The following USP29 variants were observed in gnomAD, a reference collection of about 807,000 sequenced individuals.
The protein encoded by USP29 is ubiquitin carboxyl-terminal hydrolase 29.
For missense variants in USP29, 1,102 were observed against 1,069.0 expected (o/e 1.03, Z -0.43); for synonymous variants, 386 against 387.4 (o/e 1.00, Z 0.04).
Position 57,130,955 on chromosome 19 carries a change from C to G in USP29, c.2280C>G (p.Ala760=). The stretch of plus-strand genomic sequence containing the variant: ...CTCCAGGTGTTAGGAAGCTGGATGC[C>G]CAGGAACATACAGAAGAGACCCTCA... ...APPPGVRKLD[A]QEHTEETLNQ... is the part of the protein sequence containing the mutation. The change falls in exon 4 of 4, where the codon GCC becomes GCG. Residue 760 remains alanine (A), a synonymous_variant. Coordinates refer to ENST00000254181, the MANE Select transcript of USP29 (RefSeq NM_020903.3). 1 of 1,614,058 alleles carries G rather than the reference C, an allele frequency of 6.2e-7. No individual in the cohort carries two copies. Among genetic ancestry groups the G allele is most frequent in the African/African-American group, 1.3e-5 (1 of 74,974 alleles).
At position 57,120,013 on chromosome 19, in the gene USP29, A is replaced by T. The variant is rs925321112; in HGVS notation, c.-484A>T. ...CTTCTGTTCCCAGGAGAATCAGGGG[A>T]GTCGGCGCCGGAAGGGGCGGGTCCG... On this transcript the variant is annotated 5_prime_UTR_variant, in exon 1 of 4. Transcript: ENST00000254181. 1 of 152,464 alleles carries T rather than the reference A, an allele frequency of 6.6e-6. No individual in the cohort carries two copies. The highest frequency in any genetic ancestry group is 2.4e-5 in the African/African-American group (1 of 41,460). The allele number at this position is 152,464 out of a possible 1,614,324, so 9.4% of individuals were successfully genotyped here. A position where few individuals can be genotyped will look rare whatever the true frequency, so the allele number is the denominator to read the frequency against.
intron 2 of USP29, among the ~76,000 whole-genome samples, chr19:57,123,036 G>A (rs2086806070): frequency 6.6e-6 from 1 of 152,126 alleles, no homozygotes; most frequent in Non-Finnish European, 1.5e-5. Context: ...ATGGTTTGCT[G>A]GGTTTGGCAT....
Position 57,131,418 on chromosome 19 carries a change from G to C in USP29, c.2743G>C (p.Gly915Arg), listed in dbSNP as rs556640758. The change falls in exon 4 of 4, where the codon GGT (glycine) becomes CGT (arginine). Residue 915 changes from glycine (G) to arginine (R), a missense_variant. Coordinates refer to ENST00000254181, the MANE Select transcript of USP29 (RefSeq NM_020903.3). The stretch of plus-strand genomic sequence containing the variant: ...GGTGATCCCTCAGGGGGAATACGAA[G>C]GTGACTCTTTGTACAGACCTGCTTG... ...AGVIPQGEYE[G>R]DSLYRPA 1 of 1,613,172 alleles carries C rather than the reference G, an allele frequency of 6.2e-7. No homozygotes were observed. The highest frequency in any genetic ancestry group is 1.1e-5 in the South Asian group (1 of 90,944).
chr19:57,123,845 A>G (rs563691106), intron 2 of USP29, among the ~76,000 whole-genome samples, 194 bp from the exon 3 acceptor site: 1 of 152,284 alleles, frequency 6.6e-6, no homozygotes, highest in Non-Finnish European at 1.5e-5. Context: ...TTAGGAATGC[A>G]TTTAGAGATA....
chr19:57,121,813 A>C (rs1187281437), intron 1 of USP29, among the ~76,000 whole-genome samples: 1 of 151,398 alleles, frequency 6.6e-6, no homozygotes, highest in Non-Finnish European at 1.5e-5. Context: ...ATATCCTGTT[A>C]TATAAGGGAC....
rs767199483 is a variant in USP29, at chr19:57,130,832, A to ATAC, written c.2157_2158insTAC (p.Lys719_Glu720insTyr). On this transcript the variant is annotated inframe_insertion, in exon 4 of 4. Transcript: ENST00000254181. ...CCACCAATGGCTTTTATGACTGTAAAGAAAACAGGATTCCAGAAGGATCTC... is the reference window on the plus strand; with the variant it reads ...CCACCAATGGCTTTTATGACTGTAAATACGAAAACAGGATTCCAGAAGGATCTC... 6.2e-7 allele frequency: 1 copy of ATAC among 1,614,196 alleles called. No individual in the cohort carries two copies. Among genetic ancestry groups the ATAC allele is most frequent in the South Asian group, 1.1e-5 (1 of 91,086 alleles).
In USP29 at chr19:57,131,682, C is replaced by A; in HGVS notation, c.*238C>A. 1.7e-6 allele frequency: 1 copy of A among 605,780 alleles called. No individual in the cohort carries two copies. The highest frequency in any genetic ancestry group is 2.7e-6 in the Non-Finnish European group (1 of 374,742). The allele number at this position is 605,780 out of a possible 1,614,324, so 37.5% of individuals were successfully genotyped here. The stretch of plus-strand genomic sequence containing the variant: ...TAGAATGGTGCTCTTCACGTTTTGA[C>A]GGTGGTTTTCAAAATGTTGTTCTTC... On this transcript the variant is annotated 3_prime_UTR_variant, in exon 4 of 4. Transcript: ENST00000254181.
At position 57,128,564 on chromosome 19, in the gene USP29, A is replaced by G. The variant is rs971557011; in HGVS notation, c.-16-96A>G. On this transcript the variant is annotated intron_variant, in intron 3 of 3. Transcript: ENST00000254181. ...ATTTTACTTAGAGCATAAGAAGACT[A>G]AAAATAAATCATTATTATATGTGGA... The G allele has an allele frequency of 3.9e-6, 5 of 1,266,864 alleles. No homozygotes were observed. In the South Asian group the frequency reaches 7.6e-5, roughly 19 times the overall value. 78.5% of individuals were successfully genotyped at this position (1,266,864 alleles called of 1,614,324 possible). A position where few individuals can be genotyped will look rare whatever the true frequency, so the allele number is the denominator to read the frequency against.
chr19:57,128,825 T>G lies in USP29; in HGVS notation c.150T>G (p.Ile50Met). Residue 50 changes from isoleucine (I) to methionine (M), a missense_variant, in exon 4 of 4, where the codon ATT (isoleucine) becomes ATG (methionine). By Grantham distance (10) the Ile-to-Met change is conservative (BLOSUM62 1). Transcript: ENST00000254181. ...TCAAATCTGGAAAATTTATAAGAAT[T>G]TTTCAGCTGAGCAACAACATTAGAA... ...VTFKSGKFIR[I>M]FQLSNNIRSV... 10 of 1,614,044 alleles carry G rather than the reference T, an allele frequency of 6.2e-6. No individual in the cohort carries two copies. Among genetic ancestry groups the G allele is most frequent in the Non-Finnish European group, 8.5e-6 (10 of 1,180,002 alleles).
In USP29 at chr19:57,130,575, C is replaced by T; in HGVS notation, c.1900C>T (p.His634Tyr). The change falls in exon 4 of 4, where the codon CAC becomes TAC. Residue 634 changes from histidine (H) to tyrosine (Y), a missense_variant. By Grantham distance (83) the His-to-Tyr change is moderately conservative. Coordinates refer to ENST00000254181, the MANE Select transcript of USP29 (RefSeq NM_020903.3). ...NGSALESELV[H>Y]FRDRAIGEKE... ...CTCTGCACTAGAGTCAGAATTGGTC[C>T]ACTTTAGAGATAGGGCAATCGGTGA... is the stretch of plus-strand genomic sequence containing the variant. 2 of 1,614,096 alleles carry T rather than the reference C, an allele frequency of 1.2e-6. No individual in the cohort carries two copies. Among genetic ancestry groups the T allele is most frequent in the Non-Finnish European group, 1.7e-6 (2 of 1,180,020 alleles).
rs779147687 is a variant in USP29 at position 57,130,749 on chromosome 19, C to G, written c.2074C>G (p.Gln692Glu). Residue 692 changes from glutamine (Q) to glutamate (E), a missense_variant, in exon 4 of 4, where the codon CAG becomes GAG. Gln to Glu is a conservative substitution (Grantham distance 29). Coordinates refer to ENST00000254181, the MANE Select transcript of USP29 (RefSeq NM_020903.3). ...LQEVPQHPEL[Q>E]KYEKTNTFVE... ...AGAGGTGCCTCAACATCCAGAACTTCAGAAGTATGAGAAAACCAATACATT... is the reference window on the plus strand; with the variant it reads ...AGAGGTGCCTCAACATCCAGAACTTGAGAAGTATGAGAAAACCAATACATT... The G allele has an allele frequency of 2.5e-6, 4 of 1,614,140 alleles. No homozygotes were observed. Among genetic ancestry groups the G allele is most frequent in the Non-Finnish European group, 2.5e-6 (3 of 1,180,032 alleles).
chr19:57,123,452 C>G (rs2146950372), intron 2 of USP29, among the ~76,000 whole-genome samples: 1 of 152,184 alleles, frequency 6.6e-6, no homozygotes, highest in East Asian at 1.9e-4. Context: ...ATGACTTATC[C>G]TAAGAAGTCG....
At chr19:57,127,918 C>T (rs1384834447) in intron 3 of USP29, among the ~76,000 whole-genome samples, 1 of 152,156 alleles carries the variant, frequency 6.6e-6, no homozygotes, top group African/African-American at 2.4e-5. Context: ...GGTGTAGGCA[C>T]ACAAGGGAAT....
In USP29 at chr19:57,119,996, C is replaced by T. The variant is rs1327468169; in HGVS notation, c.-501C>T. ...GTGCTGTGCCCAGAACTCTTCTGTT[C>T]CCAGGAGAATCAGGGGAGTCGGCGC... is the stretch of plus-strand genomic sequence containing the variant. On this transcript the variant is annotated 5_prime_UTR_variant, in exon 1 of 4. Transcript: ENST00000254181. 1.3e-5 allele frequency: 2 copies of T among 152,506 alleles called. No homozygotes were observed. The highest frequency in any genetic ancestry group is 2.9e-5 in the Non-Finnish European group (2 of 68,272). The allele number at this position is 152,506 out of a possible 1,614,324, so 9.4% of individuals were successfully genotyped here.
At position 57,129,810 on chromosome 19, in the gene USP29, C is replaced by G. The variant is rs149051450; in HGVS notation, c.1135C>G (p.Gln379Glu). The G allele has an allele frequency of 2.6e-4, 421 of 1,614,042 alleles. No individual in the cohort carries two copies. In the African/African-American group the frequency reaches 5.1e-3, roughly 20 times the overall value. Residue 379 changes from glutamine to glutamate, a missense_variant, in exon 4 of 4, where the codon CAG becomes GAG. Physicochemically the swap from Gln to Glu is conservative, Grantham distance 29. Coordinates refer to ENST00000254181, the MANE Select transcript of USP29 (RefSeq NM_020903.3). ...GAATGATGCTCATGAGTTTTTAGGT[C>G]AGTGTTTAGACCAGCTGAAAGAAGA... ...MQNDAHEFLG[Q>E]CLDQLKEDME...
Position 57,129,466 on chromosome 19 carries a change from AG to A in USP29, c.794del (p.Gly265ValfsTer32), listed in dbSNP as rs1199666452. ...TCTCCATTGGAACCAGAGCACAGCC[AG>A]GGTGACCCAAGATGCAACAAAGCCC... ...LTSPLEPEHS[Q>X]GDPRCNKAQV... On this transcript the variant is annotated frameshift_variant, in exon 4 of 4. Coordinates refer to ENST00000254181, the MANE Select transcript of USP29 (RefSeq NM_020903.3). LOFTEE classifies it low-confidence loss of function (END_TRUNC). The A allele has an allele frequency of 6.2e-7, 1 of 1,614,242 alleles. No homozygotes were observed. The highest frequency in any genetic ancestry group is 1.7e-5 in the Admixed American group (1 of 60,034).
rs764091802 is a variant in USP29, at chr19:57,128,789, G to A, written c.114G>A (p.Leu38=). The change falls in exon 4 of 4, where the codon CTG becomes CTA. Residue 38 remains leucine, a synonymous_variant. Transcript: ENST00000254181. ...ETVQRQKEIK[L]VVTFKSGKFI... is the part of the protein sequence containing the mutation. The stretch of plus-strand genomic sequence containing the variant: ...TGCAAAGACAAAAGGAAATTAAACT[G>A]GTGGTCACTTTCAAATCTGGAAAAT... 6 of 1,613,890 alleles carry A rather than the reference G, an allele frequency of 3.7e-6. No homozygotes were observed. The Admixed American group carries it at 6.7e-5, about 18-fold the overall frequency.
Position 57,129,569 on chromosome 19 carries a change from A to T in USP29, c.894A>T (p.Ala298=), listed in dbSNP as rs1192842087. The T allele has an allele frequency of 1.2e-6, 2 of 1,614,232 alleles. No individual in the cohort carries two copies. Among genetic ancestry groups the T allele is most frequent in the Non-Finnish European group, 8.5e-7 (1 of 1,180,044 alleles). Residue 298 remains alanine, a synonymous_variant, in exon 4 of 4, where the codon GCA becomes GCT. Transcript: ENST00000254181. ...PNLGNTCYMN[A]VLQSLFAIPS... ...TGGGAAACACCTGTTACATGAATGC[A>T]GTTTTACAATCGCTATTTGCAATTC...
chr19:57,119,892 T>C (rs985170136), upstream of USP29, among the ~76,000 whole-genome samples: 3 of 152,230 alleles, frequency 2.0e-5, no homozygotes, highest in East Asian at 1.9e-4. Flanking sequence ...CCAGGAACTC[T>C]ATGTGCCCCG....
Sources: allele counts gnomAD v4.1 joint callset (sites outside exome capture counted in the v4.1 genomes callset), GRCh38; gene constraint gnomAD v4.1.1; transcripts MANE v1.5; gene names NCBI Gene and HGNC (gene_info 2026-07-23, HGNC 2026-07-21).